Variants in ZNF470 observed in about 807,000 individuals in gnomAD.
The protein encoded by ZNF470 is zinc finger protein 470.
ZNF470 carries 13 observed loss-of-function variants against 13.9 expected under a neutral mutation model. The observed-to-expected ratio is 0.94, with a 90% CI of 0.61 to 1.49. The LOEUF (loss-of-function observed/expected upper bound fraction) is 1.49, where lower values mean the gene tolerates loss of function less well. Among genes scored for constraint, ZNF470 ranks in the 40% most tolerant of loss-of-function variants. The pLI, the probability that ZNF470 is intolerant of heterozygous loss-of-function variation, is 0.00. For synonymous variants in ZNF470, 293 were observed against 282.9 expected (o/e 1.04, Z -0.36); for missense variants, 929 against 857.3 (o/e 1.08, Z -1.04).
intron 2 of ZNF470, among the ~76,000 whole-genome samples, chr19:56,569,316 T>A (rs2044433938): frequency 6.6e-6 from 1 of 152,176 alleles, no homozygotes; most frequent in South Asian, 2.1e-4. Context: ...TCATGAGGAT[T>A]TTTTCATTTG....
At position 56,580,971 on chromosome 19, in the gene ZNF470, A is replaced by G. The variant is rs1293209283; in HGVS notation, c.*2388A>G. 6.1e-6 allele frequency: 6 copies of G among 984,910 alleles called. No homozygotes were observed. Among genetic ancestry groups the G allele is most frequent in the South Asian group, 4.7e-5 (1 of 21,290 alleles). The allele number at this position is 984,910 out of a possible 1,614,324, so 61.0% of individuals were successfully genotyped here. A position where few individuals can be genotyped will look rare whatever the true frequency, so the allele number is the denominator to read the frequency against. On this transcript the variant is annotated 3_prime_UTR_variant, in exon 6 of 6. Transcript: ENST00000330619. ...AGGTCTAAATGTAAAATTAAAGTAC[A>G]TGAAAAACAGAATAATATATATGTA...
In ZNF470 at chr19:56,576,760, AT is replaced by A; in HGVS notation, c.334del (p.Tyr112MetfsTer10). ...CAAATCATTATCTTTAAACCAGGAT[AT>A]TTATGAAGAAAAATTACCCCCGGCA... ...VTKSLSLNQD[I>X]YEEKLPPAII... On this transcript the variant is annotated frameshift_variant, in exon 6 of 6. Transcript: ENST00000330619. LOFTEE classifies it low-confidence loss of function (END_TRUNC). The A allele has an allele frequency of 6.6e-7, 1 of 1,519,644 alleles. No homozygotes were observed. The highest frequency in any genetic ancestry group is 8.8e-7 in the Non-Finnish European group (1 of 1,139,052). The allele number at this position is 1,519,644 out of a possible 1,614,324, so 94.1% of individuals were successfully genotyped here.
rs192433985 is a variant in ZNF470, at chr19:56,577,667, T to C, written c.1238T>C (p.Ile413Thr). The change falls in exon 6 of 6, where the codon ATT (isoleucine) becomes ACT (threonine). Residue 413 changes from isoleucine (I) to threonine (T), a missense_variant. Ile to Thr is a moderately conservative substitution (Grantham distance 89). Transcript: ENST00000330619. ...GKAFTDHIGL[I>T]QHKRTHTGER... The stretch of plus-strand genomic sequence containing the variant: ...GCTTTCACTGATCACATAGGACTTA[T>C]TCAGCATAAGAGAACTCATACTGGA... The C allele has an allele frequency of 6.8e-6, 11 of 1,611,058 alleles. No individual in the cohort carries two copies. Among genetic ancestry groups the C allele is most frequent in the Admixed American group, 3.3e-5 (2 of 59,930 alleles).
intron 3 of ZNF470, among the ~76,000 whole-genome samples, chr19:56,572,352 AAAAAAAAAAAAAAAAAAAAAT>A (rs2147981663): frequency 1.5e-5 from 1 of 66,222 alleles, no homozygotes; most frequent in East Asian, 3.2e-4. Flanking sequence ...AAAAAAAAAA[AAAAAAAAAAAAAAAAAAAAAT>A]ATATATATAT....
Position 56,576,947 on chromosome 19 carries a change from A to C in ZNF470, c.518A>C (p.His173Pro). ...GATACTCTTATTGAAAAAAGAGATCACTCTAACAAATCTGGGACAGTTTTT... is the reference window on the plus strand; with the variant it reads ...GATACTCTTATTGAAAAAAGAGATCCCTCTAACAAATCTGGGACAGTTTTT... ...HIDTLIEKRD[H>P]SNKSGTVFHL... The change falls in exon 6 of 6, where the codon CAC (histidine) becomes CCC (proline). Residue 173 changes from histidine (H) to proline (P), a missense_variant. By Grantham distance (77) the His-to-Pro change is moderately conservative. Coordinates refer to ENST00000330619, the MANE Select transcript of ZNF470 (RefSeq NM_001001668.4). The C allele has an allele frequency of 6.3e-7, 1 of 1,583,190 alleles. No homozygotes were observed. Among genetic ancestry groups the C allele is most frequent in the Non-Finnish European group, 8.5e-7 (1 of 1,169,928 alleles).
rs2044541700 is a variant in ZNF470, at chr19:56,582,358, G to C, written c.*3775G>C. 10 of 985,270 alleles carry C rather than the reference G, an allele frequency of 1.0e-5. No homozygotes were observed. The highest frequency in any genetic ancestry group is 1.2e-5 in the Non-Finnish European group (10 of 829,872). 61.0% of individuals were successfully genotyped at this position (985,270 alleles called of 1,614,324 possible). On this transcript the variant is annotated 3_prime_UTR_variant, in exon 6 of 6. Coordinates refer to ENST00000330619, the MANE Select transcript of ZNF470 (RefSeq NM_001001668.4). ...ATTAAGGCAAAAAAAATTCACCTAA[G>C]GGATTTTGTATGATATTGTTGAAAG...
Position 56,577,532 on chromosome 19 carries a change from A to AT in ZNF470, c.1104dup (p.Glu369Ter). 6.2e-7 allele frequency: 1 copy of AT among 1,614,034 alleles called. No individual in the cohort carries two copies. Among genetic ancestry groups the AT allele is most frequent in the Non-Finnish European group, 8.5e-7 (1 of 1,179,984 alleles). Reference sequence around the variant, plus strand: ...AGGATTCACACTGGGAAAAGACCTTATGAATGTATTGACTGTGGGAAAGCT... The same window carrying AT: ...AGGATTCACACTGGGAAAAGACCTTATTGAATGTATTGACTGTGGGAAAGCT... On this transcript the variant is annotated frameshift_variant, in exon 6 of 6. Transcript: ENST00000330619. LOFTEE classifies it low-confidence loss of function (END_TRUNC).
Position 56,578,055 on chromosome 19 carries a change from T to A in ZNF470, c.1626T>A (p.Cys542Ter). 6.2e-7 allele frequency: 1 copy of A among 1,614,050 alleles called. No homozygotes were observed. The highest frequency in any genetic ancestry group is 1.1e-5 in the South Asian group (1 of 91,078). The change falls in exon 6 of 6, where the codon TGT becomes TGA. Residue 542 changes from cysteine (C) to a stop codon, truncating the protein, a stop_gained. Coordinates refer to ENST00000330619, the MANE Select transcript of ZNF470 (RefSeq NM_001001668.4). LOFTEE classifies it low-confidence loss of function (END_TRUNC). ...TGEKPYECKECGKAFSQIAHL... is the reference protein window; with the variant it reads ...TGEKPYECKE ...AGAAACCTTATGAATGTAAGGAATG[T>A]GGTAAGGCCTTCAGTCAGATTGCAC...
Position 56,581,882 on chromosome 19 carries a change from C to T in ZNF470, c.*3299C>T. 1 of 985,372 alleles carries T rather than the reference C, an allele frequency of 1.0e-6. No homozygotes were observed. Among genetic ancestry groups the T allele is most frequent in the South Asian group, 4.7e-5 (1 of 21,284 alleles). 61.0% of individuals were successfully genotyped at this position (985,372 alleles called of 1,614,324 possible). A position where few individuals can be genotyped will look rare whatever the true frequency, so the allele number is the denominator to read the frequency against. ...TCATCCAATGGCAACTCCCTAAAAG[C>T]TGATGCAGTTATTCTTTTGATTGGT... On this transcript the variant is annotated 3_prime_UTR_variant, in exon 6 of 6. Transcript: ENST00000330619.
rs2044449307 is a variant in ZNF470 at position 56,571,160 on chromosome 19, A to G, written c.60+789A>G. Among the ~76,000 whole-genome samples, 2 of 152,224 alleles carry G rather than the reference A, an allele frequency of 1.3e-5. 1 individual carries two copies. The highest frequency in any genetic ancestry group is 4.1e-4 in the South Asian group (2 of 4,834). Reference sequence around the variant, plus strand: ...AAAGGTTTGTTCTCCCCATTTGACCATGGAGCCGTGAACATCTTAAAATGC... The same window carrying G: ...AAAGGTTTGTTCTCCCCATTTGACCGTGGAGCCGTGAACATCTTAAAATGC... On this transcript the variant is annotated intron_variant, in intron 3 of 5. Transcript: ENST00000330619.
In ZNF470 at chr19:56,578,611, C is replaced by T. The variant is rs778925296; in HGVS notation, c.*28C>T. On this transcript the variant is annotated 3_prime_UTR_variant, in exon 6 of 6. Coordinates refer to ENST00000330619, the MANE Select transcript of ZNF470 (RefSeq NM_001001668.4). ...TCAATCTCGTAAATGCTTCTAGCAT[C>T]CATCTGCTTTTTTCCAGCACATGTC... The T allele has an allele frequency of 1.1e-5, 16 of 1,469,578 alleles. No individual in the cohort carries two copies. In the South Asian group the frequency reaches 2.2e-4, roughly 20 times the overall value. The allele number at this position is 1,469,578 out of a possible 1,614,324, so 91.0% of individuals were successfully genotyped here. A position where few individuals can be genotyped will look rare whatever the true frequency, so the allele number is the denominator to read the frequency against.
rs2044513472 is a variant in ZNF470 at position 56,578,763 on chromosome 19, T to C, written c.*180T>C. 1 of 1,246,510 alleles carries C rather than the reference T, an allele frequency of 8.0e-7. No individual in the cohort carries two copies. Among genetic ancestry groups the C allele is most frequent in the Non-Finnish European group, 1.0e-6 (1 of 993,296 alleles). 77.2% of individuals were successfully genotyped at this position (1,246,510 alleles called of 1,614,324 possible). A position where few individuals can be genotyped will look rare whatever the true frequency, so the allele number is the denominator to read the frequency against. ...CAGCCTAACCTTTTAAAAATAAAAA[T>C]ACATAATTTATGTTATTTTCCCATT... On this transcript the variant is annotated 3_prime_UTR_variant, in exon 6 of 6. Coordinates refer to ENST00000330619, the MANE Select transcript of ZNF470 (RefSeq NM_001001668.4).
rs2044528029 is a variant in ZNF470, at chr19:56,580,599, T to G, written c.*2016T>G. ...GTTATGGCCATCCCTGGAAGAGTACTTTTTTTTTTTTTTCAACTGAAGCAC... is the reference window on the plus strand; with the variant it reads ...GTTATGGCCATCCCTGGAAGAGTACGTTTTTTTTTTTTTCAACTGAAGCAC... On this transcript the variant is annotated 3_prime_UTR_variant, in exon 6 of 6. Coordinates refer to ENST00000330619, the MANE Select transcript of ZNF470 (RefSeq NM_001001668.4). The G allele has an allele frequency of 9.7e-5, 1 of 10,348 alleles. No individual in the cohort carries two copies. Among genetic ancestry groups the G allele is most frequent in the African/African-American group, 8.4e-4 (1 of 1,186 alleles). 0.6% of individuals were successfully genotyped at this position (10,348 alleles called of 1,614,324 possible). A position where few individuals can be genotyped will look rare whatever the true frequency, so the allele number is the denominator to read the frequency against.
intron 3 of ZNF470, among the ~76,000 whole-genome samples, chr19:56,571,749 C>T (rs950907476): frequency 2.0e-5 from 3 of 150,096 alleles, no homozygotes; most frequent in Admixed American, 6.6e-5. Context: ...GCTGGGATTA[C>T]AGGCCTGTGC....
chr19:56,573,554 G>A (rs2147983299), intron 3 of ZNF470, among the ~76,000 whole-genome samples: 1 of 152,348 alleles, frequency 6.6e-6, no homozygotes, highest in African/African-American at 2.4e-5. Context: ...CACTTTGTGG[G>A]TTGGTTAGGA....
Position 56,578,667 on chromosome 19 carries a change from C to G in ZNF470, c.*84C>G. ...ATCATAGTCCAAGACGCAACCATCT[C>G]ATCTGGATTTCTGCAGTAGCATAAC... On this transcript the variant is annotated 3_prime_UTR_variant, in exon 6 of 6. Transcript: ENST00000330619. The G allele has an allele frequency of 7.4e-7, 1 of 1,346,054 alleles. No homozygotes were observed. Among genetic ancestry groups the G allele is most frequent in the African/African-American group, 1.4e-5 (1 of 68,970 alleles). 83.4% of individuals were successfully genotyped at this position (1,346,054 alleles called of 1,614,324 possible).
At position 56,577,515 on chromosome 19, in the gene ZNF470, C is replaced by T. The variant is rs773957977; in HGVS notation, c.1086C>T (p.His362=). Residue 362 remains histidine, a synonymous_variant, in exon 6 of 6, where the codon CAC becomes CAT. Transcript: ENST00000330619. ...CCCTAGCTCATCATCGAAGGATTCACACTGGGAAAAGACCTTATGAATGTA... is the reference window on the plus strand; with the variant it reads ...CCCTAGCTCATCATCGAAGGATTCATACTGGGAAAAGACCTTATGAATGTA... ...CSSLAHHRRI[H]TGKRPYECID... 6.2e-7 allele frequency: 1 copy of T among 1,613,262 alleles called. No individual in the cohort carries two copies.
At chr19:56,576,381 G>T (rs59563204) in intron 5 of ZNF470, among the ~76,000 whole-genome samples, 1 of 152,062 alleles carries the variant, frequency 6.6e-6, no homozygotes, top group Non-Finnish European at 1.5e-5. Context: ...AATAAAAAGA[G>T]AGCTTAAAAC....
In ZNF470 at chr19:56,577,418, A is replaced by C; in HGVS notation, c.989A>C (p.His330Pro). 6.2e-7 allele frequency: 1 copy of C among 1,614,082 alleles called. No individual in the cohort carries two copies. The highest frequency in any genetic ancestry group is 8.5e-7 in the Non-Finnish European group (1 of 1,179,978). ...AFSQLAHLAQ[H>P]QRVHTGEKPY... ...AGCCAGCTTGCACACCTTGCTCAAC[A>C]TCAGAGGGTCCACACTGGAGAGAAA... The change falls in exon 6 of 6, where the codon CAT becomes CCT. Residue 330 changes from histidine (H) to proline (P), a missense_variant. His to Pro is a moderately conservative substitution (Grantham distance 77). Coordinates refer to ENST00000330619, the MANE Select transcript of ZNF470 (RefSeq NM_001001668.4).
Sources: gnomAD v4.1 joint callset for allele counts (sites outside exome capture counted in the v4.1 genomes callset) on GRCh38, gnomAD v4.1.1 for gene constraint, MANE v1.5 for transcripts, NCBI Gene and HGNC (gene_info 2026-07-23, HGNC 2026-07-21) for gene names.